PHF3: variants seen among roughly 807,000 people sequenced by gnomAD.
The protein encoded by PHF3 is PHD finger protein 3.
Under a neutral mutation model 178.4 loss-of-function variants are expected in PHF3, and 41 were observed. That is an observed-to-expected ratio of 0.23 (90% CI 0.18 to 0.30). The LOEUF (loss-of-function observed/expected upper bound fraction) is 0.30, where lower values mean the gene tolerates loss of function less well. PHF3 is among the 10% of genes least tolerant of loss of function. PHF3 has a pLI of 1.00. For synonymous variants in PHF3, 842 were observed against 800.5 expected (o/e 1.05, Z -0.88); for missense variants, 2,346 against 2,398.1 (o/e 0.98, Z 0.45).
intron 2 of PHF3, among the ~76,000 whole-genome samples, chr6:63,650,752 G>T (rs2149544481): frequency 6.6e-6 from 1 of 152,280 alleles, no homozygotes; most frequent in Admixed American, 6.5e-5. Flanking sequence ...AAAAGGTTTG[G>T]TGTACCAGTG....
intron 2 of PHF3, among the ~76,000 whole-genome samples, chr6:63,677,837 C>CTA (rs953141407): frequency 6.6e-5 from 10 of 151,950 alleles, no homozygotes; most frequent in African/African-American, 1.7e-4. Flanking sequence ...AATGCATATA[C>CTA]TATATATATA....
At chr6:63,692,123 C>T (rs1156235142) in intron 5 of PHF3, 80 bp downstream of exon 5, 4 of 996,696 alleles carry the variant, frequency 4.0e-6, no homozygotes, top group Non-Finnish European at 5.8e-6. Flanking sequence ...TGAAATTTCT[C>T]TTTAGAAGTT....
intron 2 of PHF3, among the ~76,000 whole-genome samples, chr6:63,669,944 TTA>T (rs1415553582): frequency 4.6e-5 from 7 of 152,204 alleles, no homozygotes. Flanking sequence ...AGTAATTCTC[TTA>T]TGTGTTCCAA....
chr6:63,713,832 G>C lies in PHF3; in HGVS notation c.*124G>C. ...AAATTTTTACTATTGGTCATTTGCAGAACAGTAAATTCTGTGTGTTGGTAC... is the reference window on the plus strand; with the variant it reads ...AAATTTTTACTATTGGTCATTTGCACAACAGTAAATTCTGTGTGTTGGTAC... On this transcript the variant is annotated 3_prime_UTR_variant, in exon 16 of 16. Transcript: ENST00000262043. The C allele has an allele frequency of 2.6e-6, 2 of 768,590 alleles. No homozygotes were observed. Among genetic ancestry groups the C allele is most frequent in the South Asian group, 4.0e-5 (2 of 50,252 alleles). The allele number at this position is 768,590 out of a possible 1,614,324, so 47.6% of individuals were successfully genotyped here. A position where few individuals can be genotyped will look rare whatever the true frequency, so the allele number is the denominator to read the frequency against.
Position 63,711,981 on chromosome 6 carries a change from C to T in PHF3, c.4393C>T (p.Pro1465Ser). 3.1e-6 allele frequency: 5 copies of T among 1,613,662 alleles called. No homozygotes were observed. Among genetic ancestry groups the T allele is most frequent in the South Asian group, 1.1e-5 (1 of 90,982 alleles). The change falls in exon 16 of 16, where the codon CCT becomes TCT. Residue 1465 changes from proline to serine, a missense_variant. Around this residue, in one of 8 missense-constraint regions of PHF3, gnomAD observed 839 missense variants for 806.9 expected, o/e 1.04. Coordinates refer to ENST00000262043, the MANE Select transcript of PHF3 (RefSeq NM_001370348.2). ...TTLELANKPL[P>S]VDDILQSLLG... is the part of the protein sequence containing the mutation. ...TCTGGAATTAGCAAATAAACCTCTT[C>T]CTGTGGATGATATACTTCAAAGCCT...
intron 5 of PHF3, 60 bp downstream of exon 5, chr6:63,692,103 GC>G: frequency 6.8e-6 from 8 of 1,181,162 alleles, no homozygotes; most frequent in Non-Finnish European, 9.4e-6. Flanking sequence ...TGGACTGACT[GC>G]AATAATTTTG....
chr6:63,684,449 C>A lies in PHF3; in HGVS notation c.727C>A (p.Pro243Thr). ...AGATTCTAAGCATAAGTGTAATAAT[C>A]CGGGAGAAATAGATGTGCCATCTCA... is the stretch of plus-strand genomic sequence containing the variant. Reference protein sequence around the residue: ...GLDSKHKCNNPGEIDVPSHEL... With the variant: ...GLDSKHKCNNTGEIDVPSHEL... The change falls in exon 4 of 16, where the codon CCG becomes ACG. Residue 243 changes from proline to threonine, a missense_variant. Coordinates refer to ENST00000262043, the MANE Select transcript of PHF3 (RefSeq NM_001370348.2). 1.2e-6 allele frequency: 2 copies of A among 1,613,816 alleles called. No individual in the cohort carries two copies. Among genetic ancestry groups the A allele is most frequent in the Middle Eastern group, 1.6e-4 (1 of 6,062 alleles).
At chr6:63,661,755 G>C (rs957081310) in intron 2 of PHF3, among the ~76,000 whole-genome samples, 1 of 152,164 alleles carries the variant, frequency 6.6e-6, no homozygotes, top group African/African-American at 2.4e-5. Context: ...GAACTGTTGA[G>C]AATGTAATTA....
intron 15 of PHF3, 42 bp downstream of exon 15, chr6:63,711,404 T>C (rs776689068): frequency 3.8e-5 from 57 of 1,491,926 alleles, no homozygotes; most frequent in Middle Eastern, 1.8e-4. Context: ...TGAAATAACA[T>C]GGGAGGTGGG....
chr6:63,647,443 C>T (rs1208531658), intron 2 of PHF3, among the ~76,000 whole-genome samples: 5 of 151,898 alleles, frequency 3.3e-5, no homozygotes, highest in African/African-American at 9.7e-5. Flanking sequence ...TTTGAAGACT[C>T]AGTATGAAAA....
Position 63,725,479 on chromosome 6 carries a change from T to C in PHF3, c.*11771T>C, listed in dbSNP as rs1225629232. Among the ~76,000 whole-genome samples the C allele has an allele frequency of 1.3e-5, 2 of 152,164 alleles. No individual in the cohort carries two copies. Among genetic ancestry groups the C allele is most frequent in the African/African-American group, 4.8e-5 (2 of 41,450 alleles). The stretch of plus-strand genomic sequence containing the variant: ...TTAGCAATATAACTGAAGCTGATTG[T>C]CTTTTAATGTCTCTTGATTTATAAA... On this transcript the variant is annotated 3_prime_UTR_variant, in exon 16 of 16. Transcript: ENST00000262043.
At position 63,713,791 on chromosome 6, in the gene PHF3, G is replaced by T; in HGVS notation, c.*83G>T. The T allele has an allele frequency of 8.4e-7, 1 of 1,194,794 alleles. No individual in the cohort carries two copies. The highest frequency in any genetic ancestry group is 1.1e-6 in the Non-Finnish European group (1 of 869,612). 74.0% of individuals were successfully genotyped at this position (1,194,794 alleles called of 1,614,324 possible). A position where few individuals can be genotyped will look rare whatever the true frequency, so the allele number is the denominator to read the frequency against. On this transcript the variant is annotated 3_prime_UTR_variant, in exon 16 of 16. Coordinates refer to ENST00000262043, the MANE Select transcript of PHF3 (RefSeq NM_001370348.2). ...AAACAAAAGAAAGATTGCCTGCTAG[G>T]ATTGTGCCATCTTTAAAATTTTTAC... is the stretch of plus-strand genomic sequence containing the variant.
chr6:63,720,791 G>A lies in PHF3; in HGVS notation c.*7083G>A, dbSNP rs1185165088. 6.4e-7 allele frequency: 1 copy of A among 1,550,806 alleles called. No homozygotes were observed. The highest frequency in any genetic ancestry group is 8.7e-7 in the Non-Finnish European group (1 of 1,146,532). The stretch of plus-strand genomic sequence containing the variant: ...CCCCTAGATAACAAATGCCATCATA[G>A]TTTAGAGCCACAAAGTTTTTATGTG... On this transcript the variant is annotated 3_prime_UTR_variant, in exon 16 of 16. Coordinates refer to ENST00000262043, the MANE Select transcript of PHF3 (RefSeq NM_001370348.2).
intron 11 of PHF3, among the ~76,000 whole-genome samples, chr6:63,705,137 C>T (rs1025145938): frequency 2.0e-5 from 3 of 152,182 alleles, no homozygotes; most frequent in Non-Finnish European, 4.4e-5. Context: ...AACCTGGATA[C>T]AGATAATACA....
chr6:63,719,090 A>G lies in PHF3; in HGVS notation c.*5382A>G, dbSNP rs1416469485. On this transcript the variant is annotated 3_prime_UTR_variant, in exon 16 of 16. Coordinates refer to ENST00000262043, the MANE Select transcript of PHF3 (RefSeq NM_001370348.2). ...CAATTCTACCTTATATTCTACCCTCACACTTCCTAGTATTAATATGAACTG... is the reference window on the plus strand; with the variant it reads ...CAATTCTACCTTATATTCTACCCTCGCACTTCCTAGTATTAATATGAACTG... Among the ~76,000 whole-genome samples, 1 of 151,968 alleles carries G rather than the reference A, an allele frequency of 6.6e-6. No individual in the cohort carries two copies. Among genetic ancestry groups the G allele is most frequent in the Admixed American group, 6.6e-5 (1 of 15,218 alleles).
chr6:63,647,990 A>G (rs546570538), intron 2 of PHF3, among the ~76,000 whole-genome samples: 1 of 152,274 alleles, frequency 6.6e-6, no homozygotes, highest in Admixed American at 6.5e-5. Flanking sequence ...TATATTTTAA[A>G]TTTAATACGG....
Position 63,715,958 on chromosome 6 carries a change from A to G in PHF3, c.*2250A>G, listed in dbSNP as rs1001361074. Among the ~76,000 whole-genome samples, 4 of 152,126 alleles carry G rather than the reference A, an allele frequency of 2.6e-5. No individual in the cohort carries two copies. Among genetic ancestry groups the G allele is most frequent in the African/African-American group, 9.7e-5 (4 of 41,434 alleles). On this transcript the variant is annotated 3_prime_UTR_variant, in exon 16 of 16. Coordinates refer to ENST00000262043, the MANE Select transcript of PHF3 (RefSeq NM_001370348.2). ...GTTTTAAGAAAAAACCTGCTCTTTA[A>G]AAAAAGTTTTACACTTAAAAAAACT...
rs1379311551 is a variant in PHF3, at chr6:63,715,988, A to G, written c.*2280A>G. ...AGTTTTACACTTAAAAAAACTTAGA[A>G]TCATCTTAAGACAGTGAATGCATAC... is the stretch of plus-strand genomic sequence containing the variant. On this transcript the variant is annotated 3_prime_UTR_variant, in exon 16 of 16. Transcript: ENST00000262043. Among the ~76,000 whole-genome samples the G allele has an allele frequency of 1.3e-5, 2 of 152,132 alleles. No homozygotes were observed. The highest frequency in any genetic ancestry group is 2.4e-5 in the African/African-American group (1 of 41,448).
chr6:63,717,794 C>T lies in PHF3; in HGVS notation c.*4086C>T, dbSNP rs141724495. Among the ~76,000 whole-genome samples the T allele has an allele frequency of 3.7e-4, 56 of 152,114 alleles. No individual in the cohort carries two copies. Among genetic ancestry groups the T allele is most frequent in the Middle Eastern group, 6.8e-3 (2 of 294 alleles). ...TGTTAGCCCAAGCTGTCTTTTAAAA[C>T]TCCTTATTTTAAGATAATTTTGTCC... On this transcript the variant is annotated 3_prime_UTR_variant, in exon 16 of 16. Coordinates refer to ENST00000262043, the MANE Select transcript of PHF3 (RefSeq NM_001370348.2).
Sources: gnomAD v4.1 joint callset for allele counts (sites outside exome capture counted in the v4.1 genomes callset) on GRCh38, gnomAD v4.1.1 for gene constraint, gnomAD v4.1.1 regional missense constraint, MANE v1.5 for transcripts, NCBI Gene and HGNC (gene_info 2026-07-23, HGNC 2026-07-21) for gene names.